The following MARK1 variants were observed in gnomAD, a reference collection of about 807,000 sequenced individuals.
MARK1 encodes microtubule affinity regulating kinase 1.
In MARK1, 40 loss-of-function variants were observed where a neutral mutation model predicts 96.3. The observed-to-expected ratio is 0.42, with a 90% CI of 0.32 to 0.54. The LOEUF is 0.54. MARK1 is among the 20% of genes least tolerant of loss of function. The pLI, the probability that MARK1 is intolerant of heterozygous loss-of-function variation, is 0.16. For synonymous variants in MARK1, 317 were observed against 341.2 expected (o/e 0.93, Z 0.78); for missense variants, 719 against 984.6 (o/e 0.73, Z 3.61).
rs1213368934 is a variant in MARK1 at position 220,652,099 on chromosome 1, T to C, written c.1685T>C (p.Ile562Thr). 1 of 1,613,576 alleles carries C rather than the reference T, an allele frequency of 6.2e-7. No homozygotes were observed. The highest frequency in any genetic ancestry group is 1.7e-5 in the Admixed American group (1 of 60,006). Residue 562 changes from isoleucine (I) to threonine (T), a missense_variant, in exon 15 of 18, where the codon ATT becomes ACT. Coordinates refer to ENST00000366917, the MANE Select transcript of MARK1 (RefSeq NM_018650.5). The part of the protein sequence containing the change: ...QKSMSTSGHP[I>T]KVTLPTIKDG... ...TCCATGTCCACTTCTGGTCATCCTA[T>C]TAAAGTCACACTGCCAACCATTAAA... is the stretch of plus-strand genomic sequence containing the variant.
chr1:220,599,797 G>C lies in MARK1; in HGVS notation c.359-1G>C, dbSNP rs747700044. The stretch of plus-strand genomic sequence containing the variant: ...GAGTTATATCTCTAATTTTTTTTCA[G>C]TAAAATTGTTTGAAGTTATTGAAAC... On this transcript the variant is annotated splice_acceptor_variant, in intron 4 of 17. Coordinates refer to ENST00000366917, the MANE Select transcript of MARK1 (RefSeq NM_018650.5). LOFTEE classifies it high-confidence loss of function. The C allele has an allele frequency of 6.3e-7, 1 of 1,580,778 alleles. No homozygotes were observed. Among genetic ancestry groups the C allele is most frequent in the African/African-American group, 1.4e-5 (1 of 73,832 alleles).
intron 1 of MARK1, among the ~76,000 whole-genome samples, chr1:220,561,478 C>G (rs1662665429): frequency 6.6e-6 from 1 of 152,094 alleles, no homozygotes; most frequent in Admixed American, 6.5e-5. Flanking sequence ...TTGGACACCT[C>G]TGCTCTAAAT....
chr1:220,579,328 A>G (rs1664073956), intron 1 of MARK1, 26 bp from the exon 2 acceptor site: 2 of 1,508,764 alleles, frequency 1.3e-6, no homozygotes, highest in South Asian at 2.3e-5. Context: ...TTAATTAACA[A>G]TGAAATCTTG....
At chr1:220,594,780 A>G (rs951052873) in intron 3 of MARK1, among the ~76,000 whole-genome samples, 2 of 152,218 alleles carry the variant, frequency 1.3e-5, no homozygotes, top group Non-Finnish European at 2.9e-5. Flanking sequence ...AAAAGGCTAC[A>G]TGCTGTATGA....
At chr1:220,561,484 T>C (rs138468028) in intron 1 of MARK1, among the ~76,000 whole-genome samples, 180 of 152,286 alleles carry the variant, frequency 1.2e-3, no homozygotes, top group African/African-American at 3.9e-3. Flanking sequence ...ACCTCTGCTC[T>C]AAATGTTCTT....
chr1:220,532,225 GA>G (rs1162829613), intron 1 of MARK1, among the ~76,000 whole-genome samples: 2 of 152,144 alleles, frequency 1.3e-5, no homozygotes, highest in Non-Finnish European at 2.9e-5. Context: ...TCATGGCGGT[GA>G]TTATAATGAT....
chr1:220,586,776 T>A (rs1664655616), intron 3 of MARK1, among the ~76,000 whole-genome samples: 2 of 152,236 alleles, frequency 1.3e-5, no homozygotes, highest in Admixed American at 1.3e-4. Flanking sequence ...AGACTAACTA[T>A]CTGGCTGTTT....
intron 1 of MARK1, among the ~76,000 whole-genome samples, chr1:220,531,492 T>G (rs1660311586): frequency 6.6e-6 from 1 of 152,158 alleles, no homozygotes; most frequent in Non-Finnish European, 1.5e-5. Context: ...TAAACATTTC[T>G]TTGGTCATCC....
chr1:220,576,813 A>G (rs1572110389), intron 1 of MARK1: 1 of 152,208 alleles, frequency 6.6e-6, no homozygotes. Context: ...TCAACGGTAA[A>G]CACAGACCAT....
At chr1:220,587,500 C>A (rs1039788661) in intron 3 of MARK1, among the ~76,000 whole-genome samples, 1 of 152,104 alleles carries the variant, frequency 6.6e-6, no homozygotes, top group Non-Finnish European at 1.5e-5. Flanking sequence ...TCCCAAGTAG[C>A]TGGGATTACA....
intron 1 of MARK1, among the ~76,000 whole-genome samples, chr1:220,545,064 C>T (rs964306453): frequency 3.3e-5 from 5 of 152,150 alleles, no homozygotes; most frequent in African/African-American, 4.8e-5. Flanking sequence ...GAGAGGCGGG[C>T]CAGGTGCTCA....
At chr1:220,595,164 A>G (rs796939927) in intron 3 of MARK1, among the ~76,000 whole-genome samples, 2 of 152,204 alleles carry the variant, frequency 1.3e-5, no homozygotes. Flanking sequence ...TAAAACTGCT[A>G]TAAAAATAAA....
chr1:220,645,621 A>T (rs1668533657), intron 13 of MARK1, among the ~76,000 whole-genome samples: 1 of 152,178 alleles, frequency 6.6e-6, no homozygotes, highest in African/African-American at 2.4e-5. Flanking sequence ...CTTCAGGTCA[A>T]TGTCCCTGAT....
At chr1:220,555,515 GT>G (rs1662186482) in intron 1 of MARK1, among the ~76,000 whole-genome samples, 1 of 152,136 alleles carries the variant, frequency 6.6e-6, no homozygotes. Context: ...TTCGTGACGT[GT>G]TTTGGAGCTA....
In MARK1 at chr1:220,658,901, T is replaced by C. The variant is rs371131131; in HGVS notation, c.2033+1067T>C. ...AGCAAGACAAATATTCTTCACTTTC[T>C]TCTGCCTTTTATAGAAACATGGAGG... On this transcript the variant is annotated intron_variant, in intron 17 of 17. Transcript: ENST00000366917. 2.2e-4 allele frequency among the ~76,000 whole-genome samples: 34 copies of C among 152,318 alleles called. No homozygotes were observed. In the East Asian group the frequency reaches 4.6e-3, roughly 21 times the overall value.
chr1:220,539,279 G>T (rs1300197682), intron 1 of MARK1, among the ~76,000 whole-genome samples: 1 of 152,220 alleles, frequency 6.6e-6, no homozygotes, highest in Non-Finnish European at 1.5e-5. Context: ...TTAGTATGAA[G>T]TGTTGTTGAA....
intron 9 of MARK1, chr1:220,625,781 C>A: frequency 2.2e-6 from 1 of 452,270 alleles, no homozygotes; most frequent in Non-Finnish European, 4.5e-6. Context: ...TCTGTTACTA[C>A]TACGACGGGG....
intron 1 of MARK1, among the ~76,000 whole-genome samples, chr1:220,537,245 C>G (rs1212487826): frequency 8.7e-6 from 1 of 114,988 alleles, no homozygotes; most frequent in Non-Finnish European, 1.7e-5. Context: ...CCCCTCCCCC[C>G]ACCCCACAAC....
At chr1:220,538,635 G>T (rs1024161297) in intron 1 of MARK1, among the ~76,000 whole-genome samples, 6 of 151,176 alleles carry the variant, frequency 4.0e-5, no homozygotes, top group African/African-American at 1.4e-4. Context: ...GATGGGGATG[G>T]CATTGACTCT....
Sources: allele counts gnomAD v4.1 joint callset (sites outside exome capture counted in the v4.1 genomes callset), GRCh38; gene constraint gnomAD v4.1.1; transcripts MANE v1.5; gene names NCBI Gene and HGNC (gene_info 2026-07-23, HGNC 2026-07-21).